Variants in LYST observed in about 807,000 individuals in gnomAD.
LYST encodes lysosomal-trafficking regulator.
LYST carries 192 observed loss-of-function variants against 413.6 expected under a neutral mutation model. The observed-to-expected ratio is 0.46, with a 90% CI of 0.41 to 0.52. The LOEUF (loss-of-function observed/expected upper bound fraction) is 0.52. Among genes scored for constraint, LYST ranks in the 20% least tolerant of loss-of-function variants. The pLI, the probability that LYST is intolerant of heterozygous loss-of-function variation, is 0.00. For missense variants in LYST, 3,815 were observed against 4,499.9 expected, an observed-to-expected ratio of 0.85 and a Z score of 4.35; for synonymous variants, 1,525 against 1,567.3, an observed-to-expected ratio of 0.97 and a Z score of 0.64.
Position 235,687,061 on chromosome 1 carries a change from CCAAT to C in LYST, c.10702-18_10702-15del, listed in dbSNP as rs1413196437. On this transcript the variant is annotated splice_polypyrimidine_tract_variant and intron_variant, in intron 47 of 52. Coordinates refer to ENST00000389793, the MANE Select transcript of LYST (RefSeq NM_000081.4). ...ACAACTAGTCACCTTTGAAAAAGGA[CCAAT>C]CAAAGATTATCATGTTTTAAAAGAA... 5 of 1,533,788 alleles carry C rather than the reference CCAAT, an allele frequency of 3.3e-6. No individual in the cohort carries two copies. The highest frequency in any genetic ancestry group is 3.6e-6 in the Non-Finnish European group (4 of 1,107,172).
chr1:235,821,094 G>A (rs899713240), intron 3 of LYST, among the ~76,000 whole-genome samples: 3 of 152,148 alleles, frequency 2.0e-5, no homozygotes, highest in Admixed American at 1.3e-4. Context: ...AATGGAAATA[G>A]TAATAAAGAA....
chr1:235,811,206 A>G lies in LYST; in HGVS notation c.284-672T>C, dbSNP rs1042194275. ...GAAAGTAAATCTGATTTAAAACTAT[A>G]TATTATATTCTAACTTCAACATAAG... On this transcript the variant is annotated intron_variant, in intron 4 of 52. Transcript: ENST00000389793. Among the ~76,000 whole-genome samples, 6 of 152,282 alleles carry G rather than the reference A, an allele frequency of 3.9e-5. No homozygotes were observed. The South Asian group carries it at 1.2e-3, about 32-fold the overall frequency.
At chr1:235,796,952 G>C (rs527549045) in intron 10 of LYST, among the ~76,000 whole-genome samples, 1 of 152,294 alleles carries the variant, frequency 6.6e-6, no homozygotes, top group South Asian at 2.1e-4. Context: ...CACCAGGATA[G>C]ATATAATTAA....
chr1:235,734,706 T>A, intron 31 of LYST, 47 bp from the exon 32 acceptor site: 1 of 1,280,176 alleles, frequency 7.8e-7, no homozygotes, highest in Non-Finnish European at 1.1e-6. Flanking sequence ...TTTTAATTCT[T>A]ACATTTAAAT....
chr1:235,880,461 G>A (rs558233192), intron 1 of LYST, among the ~76,000 whole-genome samples: 21 of 152,290 alleles, frequency 1.4e-4, no homozygotes, highest in South Asian at 2.1e-4. Context: ...ATTTGACACC[G>A]TCATAACAGT....
chr1:235,775,839 GT>G (rs1388572715), intron 17 of LYST, among the ~76,000 whole-genome samples: 3 of 152,088 alleles, frequency 2.0e-5, no homozygotes, highest in African/African-American at 7.2e-5. Flanking sequence ...TAGAGACCAG[GT>G]TCACAAGGCA....
intron 1 of LYST, among the ~76,000 whole-genome samples, chr1:235,841,954 C>T (rs1677263210): frequency 1.3e-5 from 2 of 152,028 alleles, no homozygotes; most frequent in Admixed American, 6.5e-5. Context: ...TGATGACAGA[C>T]AAAATAATTT....
At chr1:235,712,667 C>T (rs1220074913) in intron 42 of LYST, 14 of 985,026 alleles carry the variant, frequency 1.4e-5, no homozygotes, top group Non-Finnish European at 4.8e-6. Flanking sequence ...TACTTTTTCT[C>T]CTTTCTTTTC....
intron 1 of LYST, among the ~76,000 whole-genome samples, chr1:235,849,771 G>A: frequency 1.5e-5 from 1 of 65,652 alleles, no homozygotes; most frequent in African/African-American, 8.8e-5. Context: ...TTTTACAATA[G>A]CTCCAAAAAA....
rs202027621 is a variant in LYST, at chr1:235,732,007, GA to G, written c.8802-831del. 4.1e-3 allele frequency among the ~76,000 whole-genome samples: 618 copies of G among 150,898 alleles called. 7 individuals are homozygous for G. Among genetic ancestry groups the G allele is most frequent in the Admixed American group, 0.03 (451 of 15,208 alleles). On this transcript the variant is annotated intron_variant, in intron 34 of 52. Coordinates refer to ENST00000389793, the MANE Select transcript of LYST (RefSeq NM_000081.4). ...AGTACATTTTTAGAAATAAATAAGA[GA>G]AAAAAATACCCTTATTCATACCCTA... is the stretch of plus-strand genomic sequence containing the variant.
intron 3 of LYST, among the ~76,000 whole-genome samples, chr1:235,817,228 T>C (rs114878970): frequency 2.4e-4 from 37 of 151,096 alleles, no homozygotes; most frequent in African/African-American, 8.5e-4. Flanking sequence ...AAAAAAAACA[T>C]GCTGGTGAGG....
intron 4 of LYST, 115 bp downstream of exon 4, chr1:235,812,856 A>T: frequency 1.4e-6 from 1 of 726,748 alleles, no homozygotes; most frequent in Non-Finnish European, 2.5e-6. Flanking sequence ...AGTATGAATA[A>T]ATCACAATAA....
At chr1:235,698,146 C>T (rs867943286) in intron 45 of LYST, among the ~76,000 whole-genome samples, 45 of 152,206 alleles carry the variant, frequency 3.0e-4, no homozygotes, top group Non-Finnish European at 5.0e-4. Context: ...AATGGATTCC[C>T]TCCTTTTATA....
intron 41 of LYST, 63 bp from the exon 42 acceptor site, chr1:235,715,420 G>A (rs1662750603): frequency 6.5e-7 from 1 of 1,532,480 alleles, no homozygotes; most frequent in South Asian, 1.1e-5. Flanking sequence ...CTAGAAAAGT[G>A]CTGGATGTTT....
At chr1:235,741,094 G>A (rs1665361856) in intron 31 of LYST, among the ~76,000 whole-genome samples, 1 of 152,124 alleles carries the variant, frequency 6.6e-6, no homozygotes, top group Non-Finnish European at 1.5e-5. Context: ...ATGTTTCACA[G>A]GTAATATAAT....
Position 235,747,731 on chromosome 1 carries a change from T to G in LYST, c.7781-1204A>C, listed in dbSNP as rs1214463958. On this transcript the variant is annotated intron_variant, in intron 28 of 52. Transcript: ENST00000389793. Reference sequence around the variant, plus strand: ...GAAATGTTAAGTAAGTCTTCTTTAGTACTAGGTATTAATACTAGAAAACGT... The same window carrying G: ...GAAATGTTAAGTAAGTCTTCTTTAGGACTAGGTATTAATACTAGAAAACGT... 4.6e-5 allele frequency among the ~76,000 whole-genome samples: 7 copies of G among 152,304 alleles called. No homozygotes were observed. In the East Asian group the frequency reaches 1.3e-3, roughly 29 times the overall value.
At chr1:235,695,504 A>G (rs1661021652) in intron 46 of LYST, among the ~76,000 whole-genome samples, 1 of 152,222 alleles carries the variant, frequency 6.6e-6, no homozygotes, top group African/African-American at 2.4e-5. Context: ...CTAAGGGTTC[A>G]TGACTGTAGT....
Position 235,810,307 on chromosome 1 carries a change from T to C in LYST, c.511A>G (p.Asn171Asp). 6.2e-7 allele frequency: 1 copy of C among 1,614,118 alleles called. No individual in the cohort carries two copies. The highest frequency in any genetic ancestry group is 8.5e-7 in the Non-Finnish European group (1 of 1,179,962). The part of the protein sequence containing the change: ...TQLSTSDSEA[N>D]SDEKGIAMNK... ...ATTGCTATGCCTTTTTCATCTGAAT[T>C]GGCTTCTGAATCTGAGGTGGAGAGC... Residue 171 changes from asparagine to aspartate, a missense_variant, in exon 5 of 53, where the codon AAT becomes GAT. Physicochemically the swap from Asn to Asp is conservative, Grantham distance 23 (BLOSUM62 1). This residue lies in a region of LYST where 1,648 missense variants were observed against 1,810.3 expected (regional missense o/e 0.91). Coordinates refer to ENST00000389793, the MANE Select transcript of LYST (RefSeq NM_000081.4).
At position 235,716,749 on chromosome 1, in the gene LYST, T is replaced by C. The variant is rs1662872692; in HGVS notation, c.9590A>G (p.Tyr3197Cys). 6.3e-7 allele frequency: 1 copy of C among 1,596,478 alleles called. No individual in the cohort carries two copies. Among genetic ancestry groups the C allele is most frequent in the African/African-American group, 1.3e-5 (1 of 74,568 alleles). ...CACATAACGATCTTCTTTTTCTTTA[T>C]ACTGAACAGCTATAGGTTTAGAGAG... ...RNLSKPIAVQ[Y>C]KEKEDRYVDT... Residue 3197 changes from tyrosine (Y) to cysteine (C), a missense_variant, in exon 41 of 53, where the codon TAT becomes TGT. Physicochemically the swap from Tyr to Cys is radical, Grantham distance 194 (BLOSUM62 -2). Around this residue, in one of 4 missense-constraint regions of LYST, gnomAD observed 866 missense variants for 1,156.0 expected, o/e 0.75. Coordinates refer to ENST00000389793, the MANE Select transcript of LYST (RefSeq NM_000081.4).
Sources: gnomAD v4.1 joint callset for allele counts (sites outside exome capture counted in the v4.1 genomes callset) on GRCh38, gnomAD v4.1.1 for gene constraint, gnomAD v4.1.1 regional missense constraint, MANE v1.5 for transcripts, NCBI Gene and HGNC (gene_info 2026-07-23, HGNC 2026-07-21) for gene names.